Variants in WDPCP observed in about 807,000 individuals in gnomAD.
WDPCP encodes the protein WD repeat-containing and planar cell polarity effector protein fritz homolog.
WDPCP carries 71 observed loss-of-function variants against 93.1 expected under a neutral mutation model. The ratio of observed to expected loss-of-function variants is 0.76; its 90% CI spans 0.63 to 0.93. WDPCP has a LOEUF of 0.93. WDPCP is among the 40% of genes least tolerant of loss of function. WDPCP has a pLI of 0.00. For synonymous variants in WDPCP, 315 were observed against 315.0 expected (o/e 1.00, Z 0.00); for missense variants, 844 against 887.4 (o/e 0.95, Z 0.62).
intron 1 of WDPCP, among the ~76,000 whole-genome samples, chr2:63,550,410 C>T (rs1351054307): frequency 1.3e-5 from 2 of 152,022 alleles, no homozygotes; most frequent in Non-Finnish European, 2.9e-5. Flanking sequence ...AGCTAATGGA[C>T]CTTTCTCAGG....
chr2:63,274,700 C>A (rs1682943286), intron 13 of WDPCP, among the ~76,000 whole-genome samples: 3 of 152,060 alleles, frequency 2.0e-5, no homozygotes, highest in African/African-American at 7.2e-5. Flanking sequence ...AATTGGAAAA[C>A]CTACAGGAAA....
At chr2:63,297,029 G>A (rs1477224475) in intron 13 of WDPCP, among the ~76,000 whole-genome samples, 1 of 152,176 alleles carries the variant, frequency 6.6e-6, no homozygotes, top group Admixed American at 6.5e-5. Flanking sequence ...CACATTATCT[G>A]AATGCTGTTG....
chr2:63,193,959 A>G (rs1675229323), intron 14 of WDPCP, among the ~76,000 whole-genome samples: 1 of 152,192 alleles, frequency 6.6e-6, no homozygotes, highest in Admixed American at 6.5e-5. Context: ...AATGACTTCT[A>G]CTTACTGGTA....
chr2:63,469,676 A>G (rs951488073), intron 6 of WDPCP, among the ~76,000 whole-genome samples: 2 of 152,158 alleles, frequency 1.3e-5, no homozygotes, highest in African/African-American at 4.8e-5. Context: ...AGAAGGGAAC[A>G]ATAGACACTG....
chr2:63,439,896 G>A lies in WDPCP; in HGVS notation c.385-25C>T, dbSNP rs762896456. ...GCTAAAACCAGGTAAGTGGGGGAGAGAGGGAGGAAGACATGCTGTGATTTA... is the reference window on the plus strand; with the variant it reads ...GCTAAAACCAGGTAAGTGGGGGAGAAAGGGAGGAAGACATGCTGTGATTTA... On this transcript the variant is annotated intron_variant, in intron 6 of 17. Coordinates refer to ENST00000272321, the MANE Select transcript of WDPCP (RefSeq NM_015910.7). 1.2e-5 allele frequency: 19 copies of A among 1,546,518 alleles called. No individual in the cohort carries two copies. The Admixed American group carries it at 3.0e-4, about 25-fold the overall frequency.
intron 13 of WDPCP, among the ~76,000 whole-genome samples, chr2:63,269,921 C>T (rs1327203246): frequency 2.0e-5 from 3 of 152,152 alleles, no homozygotes; most frequent in Non-Finnish European, 2.9e-5. Context: ...TTGATACAAT[C>T]CTCTTTATGT....
At chr2:63,561,189 C>A (rs891775557) in intron 1 of WDPCP, among the ~76,000 whole-genome samples, 1 of 152,116 alleles carries the variant, frequency 6.6e-6, no homozygotes, top group Non-Finnish European at 1.5e-5. Context: ...ATGTCAAAAG[C>A]AGTTGCAGGC....
chr2:63,642,405 T>C (rs1558873573), intron 3 of WDPCP: 2 of 152,038 alleles, frequency 1.3e-5, no homozygotes, highest in Non-Finnish European at 2.9e-5. Flanking sequence ...CTTTGGGTAG[T>C]ATGGACATTT....
At chr2:63,519,470 C>T (rs1166241529) in intron 1 of WDPCP, among the ~76,000 whole-genome samples, 1 of 152,230 alleles carries the variant, frequency 6.6e-6, no homozygotes, top group Admixed American at 6.5e-5. Flanking sequence ...CCCACTGACA[C>T]TGCCCAAAGA....
intron 2 of WDPCP, among the ~76,000 whole-genome samples, chr2:63,651,553 T>G (rs1032296481): frequency 1.3e-5 from 2 of 151,984 alleles, no homozygotes; most frequent in Non-Finnish European, 2.9e-5. Flanking sequence ...ATCCATTGGG[T>G]AGGCAGGCAG....
chr2:63,647,416 G>A (rs549598520), intron 3 of WDPCP, among the ~76,000 whole-genome samples: 13 of 152,246 alleles, frequency 8.5e-5, no homozygotes, highest in East Asian at 1.9e-4. Context: ...TTACAGGCGT[G>A]AGCCACCACA....
At chr2:63,206,319 G>A (rs546207742) in intron 14 of WDPCP, among the ~76,000 whole-genome samples, 1 of 152,114 alleles carries the variant, frequency 6.6e-6, no homozygotes, top group Non-Finnish European at 1.5e-5. Flanking sequence ...AGTACTGTCT[G>A]TTGGTTCTCT....
At chr2:63,556,550 G>A (rs1276183236) in intron 1 of WDPCP, among the ~76,000 whole-genome samples, 1 of 152,158 alleles carries the variant, frequency 6.6e-6, no homozygotes, top group Non-Finnish European at 1.5e-5. Flanking sequence ...CCCACCTTCT[G>A]AAGCCTATTT....
intron 6 of WDPCP, among the ~76,000 whole-genome samples, chr2:63,482,160 T>G (rs1700302847): frequency 6.6e-6 from 1 of 152,020 alleles, no homozygotes; most frequent in Admixed American, 6.6e-5. Flanking sequence ...TATGTTGCTG[T>G]GGTTGCCTGG....
chr2:63,552,764 G>C (rs962062609), intron 1 of WDPCP, among the ~76,000 whole-genome samples: 2 of 152,162 alleles, frequency 1.3e-5, no homozygotes, highest in African/African-American at 4.8e-5. Context: ...AAATCATTAG[G>C]GACCAGCAGT....
intron 14 of WDPCP, among the ~76,000 whole-genome samples, chr2:63,185,798 C>T (rs1168865989): frequency 6.6e-6 from 1 of 152,164 alleles, no homozygotes; most frequent in African/African-American, 2.4e-5. Flanking sequence ...GTGTCCCAGG[C>T]AATGGGCTGG....
intron 2 of WDPCP, among the ~76,000 whole-genome samples, chr2:63,700,661 A>AT (rs1412143489): frequency 2.0e-5 from 3 of 152,188 alleles, no homozygotes; most frequent in Non-Finnish European, 4.4e-5. Context: ...TGGTACTCAC[A>AT]TAAAAACAGA....
intron 2 of WDPCP, among the ~76,000 whole-genome samples, chr2:63,669,122 TC>T (rs1710317209): frequency 6.6e-6 from 1 of 152,192 alleles, no homozygotes; most frequent in Admixed American, 6.6e-5. Context: ...GATAGTGATG[TC>T]CCAAGATCCA....
intron 1 of WDPCP, among the ~76,000 whole-genome samples, chr2:63,531,726 AAGGT>A (rs1558765298): frequency 6.6e-6 from 1 of 152,202 alleles, no homozygotes; most frequent in African/African-American, 2.4e-5. Flanking sequence ...TCAAAGACCA[AAGGT>A]AGATAAAACC....
Sources: allele counts gnomAD v4.1 joint callset (sites outside exome capture counted in the v4.1 genomes callset), GRCh38; gene constraint gnomAD v4.1.1; transcripts MANE v1.5; gene names NCBI Gene and HGNC (gene_info 2026-07-23, HGNC 2026-07-21).